Variants in CYP7B1 observed in about 807,000 individuals in gnomAD.
CYP7B1 encodes cytochrome P450 7B1.
A neutral mutation model predicts 42.7 loss-of-function variants in CYP7B1; 29 were observed. That is an observed-to-expected ratio of 0.68 (90% CI 0.51 to 0.93). The LOEUF (loss-of-function observed/expected upper bound fraction) is 0.93. Among genes scored for constraint, CYP7B1 ranks in the 40% least tolerant of loss-of-function variants. The pLI is 0.00. For missense variants in CYP7B1, 655 were observed against 600.5 expected (o/e 1.09, Z -0.95); for synonymous variants, 235 against 218.2 (o/e 1.08, Z -0.68).
intron 1 of CYP7B1, among the ~76,000 whole-genome samples, chr8:64,684,379 G>A (rs996523021): frequency 6.6e-6 from 1 of 152,050 alleles, no homozygotes; most frequent in Non-Finnish European, 1.5e-5. Context: ...TAACAATATC[G>A]ACTATTGGTT....
intron 1 of CYP7B1, among the ~76,000 whole-genome samples, chr8:64,654,903 C>T (rs1188922742): frequency 6.6e-6 from 1 of 152,080 alleles, no homozygotes; most frequent in African/African-American, 2.4e-5. Flanking sequence ...ACAAAGCTGA[C>T]AAAAACAAGC....
intron 1 of CYP7B1, among the ~76,000 whole-genome samples, chr8:64,780,209 C>G (rs147499608): frequency 2.1e-3 from 324 of 152,156 alleles, no homozygotes; most frequent in African/African-American, 7.5e-3. Context: ...ATATCAATAT[C>G]TAGAACTCTA....
intron 1 of CYP7B1, among the ~76,000 whole-genome samples, chr8:64,663,692 T>G (rs1482519481): frequency 6.6e-6 from 1 of 152,148 alleles, no homozygotes; most frequent in Non-Finnish European, 1.5e-5. Context: ...CTGTGTAATC[T>G]CGCATCCAAA....
At chr8:64,679,544 T>C (rs986121680) in intron 1 of CYP7B1, among the ~76,000 whole-genome samples, 6 of 152,200 alleles carry the variant, frequency 3.9e-5, no homozygotes, top group African/African-American at 1.4e-4. Context: ...TATTATGTGT[T>C]TTCCAACATT....
At chr8:64,768,815 T>G (rs1314260675) in intron 1 of CYP7B1, among the ~76,000 whole-genome samples, 1 of 152,170 alleles carries the variant, frequency 6.6e-6, no homozygotes, top group Non-Finnish European at 1.5e-5. Context: ...TTAAAAATAC[T>G]AAGCCAAACC....
chr8:64,643,130 TATATATAC>T lies in CYP7B1; in HGVS notation c.123-18599_123-18592del, dbSNP rs1243560497. ...ATATACATATATATACATATATACA[TATATATAC>T]ATATATACATATATACATATATACA... On this transcript the variant is annotated intron_variant, in intron 1 of 5. Transcript: ENST00000310193. Among the ~76,000 whole-genome samples, 656 of 130,958 alleles carry T rather than the reference TATATATAC, an allele frequency of 5.0e-3. 4 individuals carry two copies. The highest frequency in any genetic ancestry group is 0.016 in the African/African-American group (559 of 35,200). The allele number at this position is 130,958 out of a possible 152,430, so 85.9% of individuals were successfully genotyped here.
intron 2 of CYP7B1, among the ~76,000 whole-genome samples, chr8:64,623,707 G>A (rs1486854274): frequency 6.6e-6 from 1 of 152,134 alleles, no homozygotes; most frequent in Non-Finnish European, 1.5e-5. Flanking sequence ...GAAGTGCAAT[G>A]AAAGTTTTAA....
rs1204954977 is a variant in CYP7B1 at position 64,594,474 on chromosome 8, T to G, written c.*2168A>C. On this transcript the variant is annotated 3_prime_UTR_variant, in exon 6 of 6. Transcript: ENST00000310193. ...AGATAATATATGTTACATGAAAACA[T>G]ATACATACCAAGATATGCATCAAAC... is the stretch of plus-strand genomic sequence containing the variant. Among the ~76,000 whole-genome samples the G allele has an allele frequency of 6.6e-6, 1 of 152,096 alleles. No homozygotes were observed. The highest frequency in any genetic ancestry group is 1.5e-5 in the Non-Finnish European group (1 of 68,022).
At chr8:64,761,056 G>A (rs2129633711) in intron 1 of CYP7B1, among the ~76,000 whole-genome samples, 1 of 152,248 alleles carries the variant, frequency 6.6e-6, no homozygotes, top group African/African-American at 2.4e-5. Flanking sequence ...TGAACTTGGA[G>A]GACATTATGC....
Position 64,739,178 on chromosome 8 carries a change from T to C in CYP7B1, c.122+59288A>G, listed in dbSNP as rs1807533792. ...CTTTCTCTAGCTTTTCTGTCTCACCTAAGGGAATTGAGGGAAGCTAAGAAA... is the reference window on the plus strand; with the variant it reads ...CTTTCTCTAGCTTTTCTGTCTCACCCAAGGGAATTGAGGGAAGCTAAGAAA... On this transcript the variant is annotated intron_variant, in intron 1 of 5. Transcript: ENST00000310193. Among the ~76,000 whole-genome samples the C allele has an allele frequency of 1.3e-5, 2 of 152,152 alleles. 1 individual carries two copies. The highest frequency in any genetic ancestry group is 4.8e-5 in the African/African-American group (2 of 41,408).
intron 1 of CYP7B1, among the ~76,000 whole-genome samples, chr8:64,709,821 T>C (rs1807054773): frequency 6.6e-6 from 1 of 152,186 alleles, no homozygotes. Context: ...TGTTGAAAAT[T>C]AAGCACAATA....
chr8:64,604,546 A>T, intron 5 of CYP7B1, 136 bp downstream of exon 5: 2 of 842,402 alleles, frequency 2.4e-6, no homozygotes. Flanking sequence ...CTTTCTTATT[A>T]GGAGGAATAA....
chr8:64,714,475 T>C (rs1807124952), intron 1 of CYP7B1, among the ~76,000 whole-genome samples: 1 of 152,208 alleles, frequency 6.6e-6, no homozygotes, highest in Non-Finnish European at 1.5e-5. Flanking sequence ...TCTGAAGCCA[T>C]ATTTTAAAAG....
intron 1 of CYP7B1, among the ~76,000 whole-genome samples, chr8:64,787,584 C>T (rs981239973): frequency 6.6e-6 from 1 of 152,186 alleles, no homozygotes; most frequent in Non-Finnish European, 1.5e-5. Context: ...GTCTTCAAAG[C>T]CCTCCAAGTC....
Position 64,593,033 on chromosome 8 carries a change from A to T in CYP7B1, c.*3609T>A, listed in dbSNP as rs1446896398. 6.6e-6 allele frequency among the ~76,000 whole-genome samples: 1 copy of T among 152,190 alleles called. No homozygotes were observed. The highest frequency in any genetic ancestry group is 1.5e-5 in the Non-Finnish European group (1 of 68,040). ...TTACTTTCCATTTCTAAATTCCTGT[A>T]CACATTTCCAGTTATAAAATAAGCC... On this transcript the variant is annotated 3_prime_UTR_variant, in exon 6 of 6. Coordinates refer to ENST00000310193, the MANE Select transcript of CYP7B1 (RefSeq NM_004820.5).
intron 1 of CYP7B1, among the ~76,000 whole-genome samples, chr8:64,710,647 A>G (rs1450319769): frequency 6.6e-6 from 1 of 152,144 alleles, no homozygotes; most frequent in African/African-American, 2.4e-5. Flanking sequence ...CCTCCTTTGT[A>G]TATCACTGTA....
intron 1 of CYP7B1, among the ~76,000 whole-genome samples, chr8:64,655,522 G>C (rs1806108553): frequency 6.6e-6 from 1 of 152,150 alleles, no homozygotes; most frequent in Non-Finnish European, 1.5e-5. Context: ...CAAAAAATAA[G>C]AGATGCTGCT....
intron 1 of CYP7B1, among the ~76,000 whole-genome samples, chr8:64,732,531 A>C (rs1375683106): frequency 6.6e-6 from 1 of 152,194 alleles, no homozygotes; most frequent in African/African-American, 2.4e-5. Flanking sequence ...GCCTTGTTTC[A>C]GATGAGACCA....
intron 1 of CYP7B1, among the ~76,000 whole-genome samples, chr8:64,796,797 T>A (rs1391684233): frequency 2.9e-4 from 44 of 152,240 alleles, no homozygotes; most frequent in Admixed American, 2.9e-3. Flanking sequence ...CCACGATTTT[T>A]ATTAACATAT....
Sources: gnomAD v4.1 joint callset for allele counts (sites outside exome capture counted in the v4.1 genomes callset) on GRCh38, gnomAD v4.1.1 for gene constraint, MANE v1.5 for transcripts, NCBI Gene and HGNC (gene_info 2026-07-23, HGNC 2026-07-21) for gene names.